Variants in MAP2 observed in about 807,000 individuals in gnomAD.
MAP2 encodes the protein microtubule associated protein 2.
In MAP2, 14 loss-of-function variants were observed where a neutral mutation model predicts 137.6. That is an observed-to-expected ratio of 0.10 (90% CI 0.07 to 0.16). The LOEUF is 0.16. MAP2 is among the 10% of genes least tolerant of loss of function. The probability of loss-of-function intolerance (pLI) is 1.00; values close to 1 mark genes in which losing one functional copy is unlikely to be tolerated. For missense variants in MAP2, 2,088 were observed against 2,191.5 expected, an observed-to-expected ratio of 0.95 and a Z score of 0.94; for synonymous variants, 786 against 782.3, an observed-to-expected ratio of 1.00 and a Z score of -0.08.
chr2:209,450,157 G>A (rs946533537), intron 1 of MAP2, among the ~76,000 whole-genome samples: 2 of 152,094 alleles, frequency 1.3e-5, no homozygotes, highest in Non-Finnish European at 2.9e-5. Flanking sequence ...GCCCAGGCTG[G>A]TCTTGAACTC....
intron 3 of MAP2, among the ~76,000 whole-genome samples, chr2:209,605,136 T>G (rs1361848868): frequency 6.6e-6 from 1 of 152,188 alleles, no homozygotes; most frequent in African/African-American, 2.4e-5. Context: ...TAGAAAACAA[T>G]TTTAAAAATA....
intron 1 of MAP2, among the ~76,000 whole-genome samples, chr2:209,481,685 T>C (rs1408632560): frequency 6.6e-6 from 1 of 152,206 alleles, no homozygotes. Flanking sequence ...AACTGAGATA[T>C]ACATGACAAC....
intron 1 of MAP2, among the ~76,000 whole-genome samples, chr2:209,445,312 T>C (rs1698802109): frequency 6.6e-6 from 1 of 151,726 alleles, no homozygotes; most frequent in Non-Finnish European, 1.5e-5. Flanking sequence ...CTCCATGATA[T>C]GCACAATGTC....
At position 209,600,673 on chromosome 2, in the gene MAP2, C is replaced by T. The variant is rs186132060; in HGVS notation, c.-107+20573C>T. On this transcript the variant is annotated intron_variant, in intron 3 of 15. Transcript: ENST00000682079. Reference sequence around the variant, plus strand: ...CATAGATGTTATCTTTTGTAAGAGTCCTCAGTCAGTCCCTATTAAGGGCAA... The same window carrying T: ...CATAGATGTTATCTTTTGTAAGAGTTCTCAGTCAGTCCCTATTAAGGGCAA... Among the ~76,000 whole-genome samples, 380 of 152,252 alleles carry T rather than the reference C, an allele frequency of 2.5e-3. 4 individuals carry two copies. Among genetic ancestry groups the T allele is most frequent in the Middle Eastern group, 0.024 (7 of 294 alleles).
At chr2:209,665,287 T>A (rs978957015) in intron 5 of MAP2, among the ~76,000 whole-genome samples, 42 of 152,186 alleles carry the variant, frequency 2.8e-4, no homozygotes, top group African/African-American at 9.6e-4. Context: ...AAAGTCCAGA[T>A]AAATGAACTT....
chr2:209,632,625 T>C (rs917606773), intron 4 of MAP2, among the ~76,000 whole-genome samples: 1 of 152,144 alleles, frequency 6.6e-6, no homozygotes, highest in Non-Finnish European at 1.5e-5. Context: ...CATCCAGATA[T>C]GCTGTCGTCA....
intron 2 of MAP2, among the ~76,000 whole-genome samples, chr2:209,524,931 T>G (rs899166699): frequency 2.6e-5 from 4 of 152,276 alleles, no homozygotes; most frequent in African/African-American, 9.6e-5. Context: ...TCAGTGTCCC[T>G]TGGGATCCAG....
chr2:209,712,090 T>G (rs1363451000), intron 13 of MAP2, among the ~76,000 whole-genome samples: 1 of 152,144 alleles, frequency 6.6e-6, no homozygotes, highest in Non-Finnish European at 1.5e-5. Context: ...AAGGACTCCT[T>G]AAGAAAGGCA....
rs1466262741 is a variant in MAP2, at chr2:209,694,817, G to A, written c.2647G>A (p.Val883Ile). 1 of 1,614,170 alleles carries A rather than the reference G, an allele frequency of 6.2e-7. No individual in the cohort carries two copies. The highest frequency in any genetic ancestry group is 1.1e-5 in the South Asian group (1 of 91,084). Residue 883 changes from valine to isoleucine, a missense_variant, in exon 8 of 16, where the codon GTT becomes ATT. Val to Ile is a conservative substitution (Grantham distance 29, BLOSUM62 3). This residue lies in a region of MAP2 where 500 missense variants were observed against 482.9 expected (regional missense o/e 1.04). Coordinates refer to ENST00000682079, the MANE Select transcript of MAP2 (RefSeq NM_001375505.1). ...NKYTVPLPSP[V>I]QDSENLSGES... Reference sequence around the variant, plus strand: ...GTACACAGTCCCATTGCCATCACCTGTTCAAGACAGTGAGAATTTATCAGG... The same window carrying A: ...GTACACAGTCCCATTGCCATCACCTATTCAAGACAGTGAGAATTTATCAGG...
At chr2:209,698,037 A>T (rs559654071) in intron 10 of MAP2, among the ~76,000 whole-genome samples, 13 of 150,080 alleles carry the variant, frequency 8.7e-5, no homozygotes, top group African/African-American at 3.0e-4. Context: ...TTTAGTAGAG[A>T]CGGGGTTTCA....
chr2:209,577,584 G>A (rs1029465853), intron 2 of MAP2, among the ~76,000 whole-genome samples: 4 of 152,116 alleles, frequency 2.6e-5, no homozygotes, highest in Admixed American at 6.6e-5. Context: ...GGTTGTTTTG[G>A]AATGAATTAT....
chr2:209,593,223 T>C (rs774259117), intron 3 of MAP2, among the ~76,000 whole-genome samples: 197 of 152,258 alleles, frequency 1.3e-3, no homozygotes, highest in Non-Finnish European at 1.8e-3. Flanking sequence ...TTGTAAGTTC[T>C]CTCTTCTTTC....
At chr2:209,587,791 A>G (rs1014686479) in intron 3 of MAP2, among the ~76,000 whole-genome samples, 3 of 152,186 alleles carry the variant, frequency 2.0e-5, no homozygotes, top group Admixed American at 6.5e-5. Context: ...TTAAGGGGCT[A>G]GTTCTCTCTC....
intron 1 of MAP2, among the ~76,000 whole-genome samples, chr2:209,474,776 GTA>G (rs1168533176): frequency 6.6e-6 from 1 of 151,970 alleles, no homozygotes; most frequent in East Asian, 1.9e-4. Context: ...TACACAGTGA[GTA>G]AAATACATGG....
chr2:209,450,249 C>CT lies in MAP2; in HGVS notation c.-222+25980dup, dbSNP rs201656412. Among the ~76,000 whole-genome samples the CT allele has an allele frequency of 4.9e-3, 749 of 152,212 alleles. 2 individuals are homozygous for CT. Among genetic ancestry groups the CT allele is most frequent in the Non-Finnish European group, 7.0e-3 (474 of 67,988 alleles). The stretch of plus-strand genomic sequence containing the variant: ...GAGCCACCGTGCACAGCCAACTTAC[C>CT]TTTTTTTAACAGATTATTAAACCTC... On this transcript the variant is annotated intron_variant, in intron 1 of 15. Transcript: ENST00000682079.
chr2:209,698,548 T>C (rs2060888551), intron 10 of MAP2, among the ~76,000 whole-genome samples: 1 of 152,294 alleles, frequency 6.6e-6, no homozygotes, highest in African/African-American at 2.4e-5. Context: ...ATTTTAGCCA[T>C]TGAAAATTCC....
intron 10 of MAP2, among the ~76,000 whole-genome samples, chr2:209,697,448 T>G (rs1474647673): frequency 6.6e-6 from 1 of 152,176 alleles, no homozygotes; most frequent in African/African-American, 2.4e-5. Context: ...TTTTCTACAT[T>G]GTTACTGCCA....
intron 14 of MAP2, among the ~76,000 whole-genome samples, chr2:209,728,382 A>G (rs558651819): frequency 6.6e-6 from 1 of 152,288 alleles, no homozygotes; most frequent in South Asian, 2.1e-4. Context: ...TGGCCAGGTA[A>G]AATGTGGGAA....
intron 3 of MAP2, among the ~76,000 whole-genome samples, chr2:209,596,148 A>G (rs779010875): frequency 1.3e-5 from 2 of 152,194 alleles, no homozygotes; most frequent in Non-Finnish European, 2.9e-5. Flanking sequence ...ATAACAGTAA[A>G]GTGACTTCAT....
Sources: allele counts gnomAD v4.1 joint callset (sites outside exome capture counted in the v4.1 genomes callset), GRCh38; gene constraint gnomAD v4.1.1; regional missense constraint gnomAD v4.1.1; transcripts MANE v1.5; gene names NCBI Gene and HGNC (gene_info 2026-07-23, HGNC 2026-07-21).